The following AGAP3 variants were observed in gnomAD, a reference collection of about 807,000 sequenced individuals.
AGAP3 encodes arf-GAP with GTPase, ANK repeat and PH domain-containing protein 3.
Under a neutral mutation model 96.9 loss-of-function variants are expected in AGAP3, and 24 were observed. The observed-to-expected ratio is 0.25, with a 90% CI of 0.18 to 0.35. The LOEUF (loss-of-function observed/expected upper bound fraction) is 0.35. Ranked by LOEUF, AGAP3 falls within the 10% of genes least tolerant of loss-of-function variation. AGAP3 has a pLI of 1.00. For missense variants in AGAP3, 876 were observed against 1,254.2 expected, an observed-to-expected ratio of 0.70 and a Z score of 4.55; for synonymous variants, 563 against 536.1, an observed-to-expected ratio of 1.05 and a Z score of -0.69.
At chr7:151,123,271 C>A in intron 8 of AGAP3, 1 of 1,051,852 alleles carries the variant, frequency 9.5e-7, no homozygotes. Context: ...TTCGGGTGGA[C>A]TCTGCCCCAG....
chr7:151,108,584 G>A lies in AGAP3; in HGVS notation c.332-8209G>A, dbSNP rs751009423. Among the ~76,000 whole-genome samples the A allele has an allele frequency of 1.3e-5, 2 of 152,234 alleles. No individual in the cohort carries two copies. Among genetic ancestry groups the A allele is most frequent in the Non-Finnish European group, 2.9e-5 (2 of 68,048 alleles). ...CGGGCCTCAGAGCAGCCTTCGGAGG[G>A]TCCCAAGGATGTAGGCTGGGTCCTA... On this transcript the variant is annotated intron_variant, in intron 1 of 17. Coordinates refer to ENST00000397238, the MANE Select transcript of AGAP3 (RefSeq NM_031946.7). The surrounding 1 kb of genome is among the most constrained non-coding windows in gnomAD (Gnocchi z 4.2).
chr7:151,124,647 C>T (rs969738096), intron 9 of AGAP3, among the ~76,000 whole-genome samples: 3 of 152,184 alleles, frequency 2.0e-5, no homozygotes, highest in Admixed American at 6.5e-5. Flanking sequence ...AGAGGAGGCT[C>T]ACGTGGCCAG....
Position 151,142,228 on chromosome 7 carries a change from C to T in AGAP3, c.2025C>T (p.Ser675=), listed in dbSNP as rs1800843968. 1 of 1,613,406 alleles carries T rather than the reference C, an allele frequency of 6.2e-7. No individual in the cohort carries two copies. Among genetic ancestry groups the T allele is most frequent in the African/African-American group, 1.3e-5 (1 of 74,928 alleles). ...VQAVRTVRGN[S]FCIDCDAPNP... is the part of the protein sequence containing the mutation. ...CCGTCCGCACCGTCCGCGGCAACAGCTTTTGTATCGACTGCGATGCACCCA... is the reference window on the plus strand; with the variant it reads ...CCGTCCGCACCGTCCGCGGCAACAGTTTTTGTATCGACTGCGATGCACCCA... The change falls in exon 15 of 18, where the codon AGC becomes AGT. Residue 675 remains serine, a synonymous_variant. Transcript: ENST00000397238. The surrounding 1 kb of genome is among the most constrained non-coding windows in gnomAD (Gnocchi z 7.5).
chr7:151,116,755 C>T (rs772487965), intron 1 of AGAP3, 38 bp from the exon 2 acceptor site: 10 of 1,612,764 alleles, frequency 6.2e-6, no homozygotes, highest in Non-Finnish European at 8.5e-6. Context: ...GGTGTGTGTG[C>T]CACCCTGGCC....
At chr7:151,106,753 A>G (rs953852154) in intron 1 of AGAP3, among the ~76,000 whole-genome samples, 5 of 152,100 alleles carry the variant, frequency 3.3e-5, no homozygotes, top group African/African-American at 1.2e-4. Context: ...AAAGCCTCCC[A>G]AAGTGCTGAG....
chr7:151,120,510 G>C (rs1799828818), intron 8 of AGAP3: 1 of 746,752 alleles, frequency 1.3e-6, no homozygotes, highest in African/African-American at 1.8e-5. Flanking sequence ...GACCCCCTTT[G>C]ATTCAACAGC....
At chr7:151,137,246 A>G (rs1316989130) in intron 11 of AGAP3, among the ~76,000 whole-genome samples, 1 of 152,040 alleles carries the variant, frequency 6.6e-6, no homozygotes, top group Non-Finnish European at 1.5e-5. Context: ...TGCTGTCTCC[A>G]GCTTTGGCCA....
intron 10 of AGAP3, among the ~76,000 whole-genome samples, chr7:151,131,572 C>T (rs1239075903): frequency 1.3e-5 from 2 of 152,200 alleles, no homozygotes; most frequent in African/African-American, 4.8e-5. Flanking sequence ...GCTGATGCTC[C>T]TCAAGCTTCT....
chr7:151,128,114 G>C (rs373219706), intron 9 of AGAP3, among the ~76,000 whole-genome samples: 85 of 152,260 alleles, frequency 5.6e-4, no homozygotes, highest in Non-Finnish European at 2.5e-4. Flanking sequence ...GCTACCACAG[G>C]GGGTGGAAGG....
Position 151,139,056 on chromosome 7 carries a change from A to G in AGAP3, c.1666+743A>G, listed in dbSNP as rs1800720689. 6.6e-6 allele frequency among the ~76,000 whole-genome samples: 1 copy of G among 152,230 alleles called. No individual in the cohort carries two copies. The highest frequency in any genetic ancestry group is 6.5e-5 in the Admixed American group (1 of 15,286). On this transcript the variant is annotated intron_variant, in intron 12 of 17. Transcript: ENST00000397238. This position sits in a 1 kb window ranked among gnomAD's most constrained non-coding sequence, Gnocchi z 4.9. ...CACAGATCTGAAGTTCTGAAGGCTC[A>G]AAAGGGCATGGAGCCAGCTCTCCTC...
intron 1 of AGAP3, chr7:151,115,179 C>T: frequency 9.9e-7 from 1 of 1,012,306 alleles, no homozygotes; most frequent in Non-Finnish European, 1.2e-6. Context: ...CCGCCTGGAG[C>T]TGGCGGCCGC....
intron 9 of AGAP3, among the ~76,000 whole-genome samples, chr7:151,126,031 G>C (rs1397753545): frequency 1.7e-5 from 2 of 118,966 alleles, no homozygotes; most frequent in Admixed American, 9.5e-5. Flanking sequence ...GTTTCCTCCT[G>C]TCCGCTTCCC....
chr7:151,120,168 C>G (rs373341812), intron 8 of AGAP3, 23 bp downstream of exon 8: 2 of 1,570,696 alleles, frequency 1.3e-6, no homozygotes, highest in South Asian at 2.4e-5. Flanking sequence ...CCTCCTCCCC[C>G]GCCCAGCTGC....
At chr7:151,103,969 C>G (rs1054795843) in intron 1 of AGAP3, among the ~76,000 whole-genome samples, 8 of 152,160 alleles carry the variant, frequency 5.3e-5, no homozygotes, top group African/African-American at 1.9e-4. Flanking sequence ...CGGGAACACC[C>G]GGTTCCTCCA....
intron 1 of AGAP3, among the ~76,000 whole-genome samples, chr7:151,099,651 G>A (rs1023467086): frequency 1.3e-5 from 2 of 152,186 alleles, no homozygotes; most frequent in African/African-American, 2.4e-5. Flanking sequence ...ATGTGGGCCC[G>A]GGGACTGGCA....
At chr7:151,089,598 A>G (rs745597164) in intron 1 of AGAP3, 7 of 152,204 alleles carry the variant, frequency 4.6e-5, no homozygotes, top group Non-Finnish European at 8.8e-5. Flanking sequence ...TGCAGTGGGC[A>G]CTTGGGCCTC....
chr7:151,097,072 A>G (rs1389204167), intron 1 of AGAP3, among the ~76,000 whole-genome samples: 3 of 151,786 alleles, frequency 2.0e-5, no homozygotes, highest in Non-Finnish European at 4.4e-5. Context: ...GGCGTGAGTG[A>G]GCCACCGCGC....
intron 1 of AGAP3, among the ~76,000 whole-genome samples, chr7:151,099,824 T>C (rs1291857351): frequency 3.3e-5 from 5 of 152,214 alleles, no homozygotes; most frequent in Admixed American, 3.3e-4. Context: ...TTTTTTTGTT[T>C]GTTTGTTTGT....
In AGAP3 at chr7:151,117,356, C is replaced by T. The variant is rs200290690; in HGVS notation, c.479-15C>T. 3,075 of 1,613,942 alleles carry T rather than the reference C, an allele frequency of 1.9e-3. 6 individuals are homozygous for T. The highest frequency in any genetic ancestry group is 2.3e-3 in the Non-Finnish European group (2,745 of 1,179,850). On this transcript the variant is annotated splice_polypyrimidine_tract_variant and intron_variant, in intron 3 of 17. Coordinates refer to ENST00000397238, the MANE Select transcript of AGAP3 (RefSeq NM_031946.7). ...TTTCTCCACACTTTGGACCTGACTG[C>T]GCGCTCTGTCCTAGGGGGGCGGTTT...
Sources: gnomAD v4.1 joint callset for allele counts (sites outside exome capture counted in the v4.1 genomes callset) on GRCh38, gnomAD v4.1.1 for gene constraint, Gnocchi (gnomAD v3.1) non-coding constraint, MANE v1.5 for transcripts, NCBI Gene and HGNC (gene_info 2026-07-23, HGNC 2026-07-21) for gene names.